CORO7: variants seen among roughly 807,000 people sequenced by gnomAD.
The protein encoded by CORO7 is coronin 7, also known as coronin-7.
A neutral mutation model predicts 126.6 loss-of-function variants in CORO7; 107 were observed. That is an observed-to-expected ratio of 0.85 (90% CI 0.72 to 0.99). CORO7 has a LOEUF of 0.99. CORO7 is among the 50% of genes least tolerant of loss of function. CORO7 has a pLI of 0.00. For missense variants in CORO7, 1,314 were observed against 1,255.8 expected, an observed-to-expected ratio of 1.05 and a Z score of -0.70; for synonymous variants, 603 against 536.8, an observed-to-expected ratio of 1.12 and a Z score of -1.70.
At chr16:4,402,300 G>T (rs994549439) in intron 6 of CORO7, among the ~76,000 whole-genome samples, 1 of 152,026 alleles carries the variant, frequency 6.6e-6, no homozygotes, top group Non-Finnish European at 1.5e-5. Context: ...CCATCGCCCA[G>T]GCTGGAGTGA....
At chr16:4,372,092 C>G (rs2054554494) in intron 9 of CORO7, 1 of 151,652 alleles carries the variant, frequency 6.6e-6, no homozygotes, top group Non-Finnish European at 1.5e-5. Context: ...CACACACGCA[C>G]TCTCGGGCGG....
At chr16:4,377,225 G>A (rs528171082) in intron 9 of CORO7, among the ~76,000 whole-genome samples, 6 of 152,034 alleles carry the variant, frequency 3.9e-5, no homozygotes, top group Non-Finnish European at 5.9e-5. Flanking sequence ...ACCCCCCGAC[G>A]TCCCCGAATC....
Position 4,355,341 on chromosome 16 carries a change from T to A in CORO7, c.2717A>T (p.Asn906Ile), listed in dbSNP as rs769629287. Reference protein sequence around the residue: ...LLNAMVAKLGNREDPLPQDSF... With the variant: ...LLNAMVAKLGIREDPLPQDSF... ...GTCCTGGGGGAGTGGGTCCTCCCGGTTCCCCAGTTTTGCCACCATGGCATT... is the reference window on the plus strand; with the variant it reads ...GTCCTGGGGGAGTGGGTCCTCCCGGATCCCCAGTTTTGCCACCATGGCATT... The change falls in exon 27 of 28, where the codon AAC (asparagine) becomes ATC (isoleucine). Residue 906 changes from asparagine to isoleucine, a missense_variant. Coordinates refer to ENST00000251166, the MANE Select transcript of CORO7 (RefSeq NM_024535.5). The A allele has an allele frequency of 6.2e-7, 1 of 1,612,300 alleles. No homozygotes were observed. The highest frequency in any genetic ancestry group is 1.7e-5 in the Admixed American group (1 of 59,980).
intron 7 of CORO7, among the ~76,000 whole-genome samples, chr16:4,394,661 A>G (rs1428627910): frequency 6.6e-6 from 1 of 152,212 alleles, no homozygotes; most frequent in East Asian, 1.9e-4. Context: ...GCCCCCAGCA[A>G]CTACCTGCCT....
intron 1 of CORO7, among the ~76,000 whole-genome samples, chr16:4,413,948 G>A (rs907869206): frequency 2.0e-5 from 3 of 151,852 alleles, no homozygotes; most frequent in African/African-American, 7.3e-5. Context: ...CACTTTGGGA[G>A]GCTGAGGCAG....
At chr16:4,411,599 A>G (rs944250086) in intron 3 of CORO7, among the ~76,000 whole-genome samples, 2 of 152,166 alleles carry the variant, frequency 1.3e-5, no homozygotes, top group Admixed American at 1.3e-4. Context: ...CGTACTTAGT[A>G]CAGAGAGCAA....
At chr16:4,401,057 C>T (rs943154785) in intron 6 of CORO7, among the ~76,000 whole-genome samples, 10 of 152,198 alleles carry the variant, frequency 6.6e-5, no homozygotes, top group Admixed American at 5.9e-4. Context: ...CAGCCCCTCC[C>T]TGAGAGATGA....
At chr16:4,394,744 T>C (rs564562412) in intron 7 of CORO7, among the ~76,000 whole-genome samples, 1 of 152,362 alleles carries the variant, frequency 6.6e-6, no homozygotes, top group African/African-American at 2.4e-5. Flanking sequence ...ACAAGGTCTC[T>C]GTAGGGCAAA....
chr16:4,386,335 A>G (rs2055192948), intron 9 of CORO7, among the ~76,000 whole-genome samples: 1 of 152,216 alleles, frequency 6.6e-6, no homozygotes, highest in Non-Finnish European at 1.5e-5. Context: ...GGGGCCGGGC[A>G]GGAGACGCTT....
At chr16:4,405,202 C>T (rs1567300166) in intron 6 of CORO7, among the ~76,000 whole-genome samples, 1 of 152,358 alleles carries the variant, frequency 6.6e-6, no homozygotes, top group African/African-American at 2.4e-5. Flanking sequence ...GCGGTTCAGA[C>T]AGACCAGACA....
intron 9 of CORO7, chr16:4,381,105 G>A (rs781143099): frequency 1.3e-5 from 21 of 1,608,602 alleles, no homozygotes; most frequent in East Asian, 2.2e-5. Flanking sequence ...CCGGCCTGCC[G>A]GGCCTGCAGC....
At chr16:4,381,635 C>G (rs749898341) in intron 9 of CORO7, 2 of 1,599,602 alleles carry the variant, frequency 1.3e-6, no homozygotes, top group Non-Finnish European at 1.7e-6. Flanking sequence ...ACCCGCATTG[C>G]CCAGCTGCGG....
chr16:4,380,810 G>A (rs2054928710), intron 9 of CORO7: 2 of 1,415,018 alleles, frequency 1.4e-6, no homozygotes, highest in Admixed American at 2.9e-5. Context: ...TTCCTGGCGT[G>A]TCTGCCTTCT....
At chr16:4,394,579 C>T (rs920850871) in intron 7 of CORO7, among the ~76,000 whole-genome samples, 4 of 152,252 alleles carry the variant, frequency 2.6e-5, no homozygotes, top group Non-Finnish European at 4.4e-5. Context: ...ATGTCTGCCC[C>T]CTTGGCATTA....
At chr16:4,408,772 G>A (rs1411313108) in intron 3 of CORO7, among the ~76,000 whole-genome samples, 1 of 152,198 alleles carries the variant, frequency 6.6e-6, no homozygotes, top group African/African-American at 2.4e-5. Flanking sequence ...AGACCAGCCT[G>A]GGCAACACGG....
At chr16:4,361,938 C>T (rs775501285) in intron 16 of CORO7, 47 bp downstream of exon 16, 8 of 1,564,234 alleles carry the variant, frequency 5.1e-6, no homozygotes, top group Non-Finnish European at 6.1e-6. Context: ...GCGTCTTTGC[C>T]ACAGGCAGGG....
At chr16:4,395,164 C>A in intron 7 of CORO7, 125 bp downstream of exon 7, 3 of 1,383,422 alleles carry the variant, frequency 2.2e-6, no homozygotes, top group Non-Finnish European at 3.0e-6. Context: ...CTCCTGGGGA[C>A]CCCTGGTGCT....
chr16:4,374,548 C>T (rs913084250), intron 9 of CORO7, among the ~76,000 whole-genome samples: 1 of 152,168 alleles, frequency 6.6e-6, no homozygotes, highest in African/African-American at 2.4e-5. Flanking sequence ...CCGGCCTACA[C>T]CGGGAAGGGG....
In CORO7 at chr16:4,364,935, A is replaced by G. The variant is rs774631327; in HGVS notation, c.899-15T>C. 10 of 1,605,976 alleles carry G rather than the reference A, an allele frequency of 6.2e-6. No homozygotes were observed. The highest frequency in any genetic ancestry group is 1.7e-5 in the Admixed American group (1 of 59,414). ...ACACTGGGTCACTGTTGAGGACACC[A>G]TAGGGGAACAGGCAGGATGGGCAGG... On this transcript the variant is annotated splice_polypyrimidine_tract_variant and intron_variant, in intron 11 of 27. Transcript: ENST00000251166.
Sources: gnomAD v4.1 joint callset for allele counts (sites outside exome capture counted in the v4.1 genomes callset) on GRCh38, gnomAD v4.1.1 for gene constraint, MANE v1.5 for transcripts, NCBI Gene and HGNC (gene_info 2026-07-23, HGNC 2026-07-21) for gene names.